DUS1L: variants seen among roughly 807,000 people sequenced by gnomAD.
DUS1L encodes the protein tRNA-dihydrouridine(16/17) synthase [NAD(P)(+)]-like.
In DUS1L, 56 loss-of-function variants were observed where a neutral mutation model predicts 61.2. The observed-to-expected ratio is 0.92, with a 90% CI of 0.74 to 1.14. The LOEUF (loss-of-function observed/expected upper bound fraction) is 1.14, where lower values mean the gene tolerates loss of function less well. Ranked by LOEUF, DUS1L falls within the 50% of genes most tolerant of loss-of-function variation. DUS1L has a pLI of 0.00. For synonymous variants in DUS1L, 278 were observed against 259.5 expected (o/e 1.07, Z -0.69); for missense variants, 630 against 632.4 (o/e 1.00, Z 0.04).
chr17:82,058,273 G>A lies in DUS1L; in HGVS notation c.1283-19C>T, dbSNP rs767025373. ...CCGTGACCTGGCAGAGCGAGTGAGA[G>A]GAGTCGGGGGTCAGGAGGCGGAGGG... On this transcript the variant is annotated intron_variant, in intron 13 of 13. Coordinates refer to ENST00000306796, the MANE Select transcript of DUS1L (RefSeq NM_022156.5). 15 of 1,560,836 alleles carry A rather than the reference G, an allele frequency of 9.6e-6. No individual in the cohort carries two copies. Among genetic ancestry groups the A allele is most frequent in the Admixed American group, 5.5e-5 (3 of 54,656 alleles).
chr17:82,058,730 GC>G (rs1262926579), intron 12 of DUS1L, 50 bp downstream of exon 12: 2 of 1,611,398 alleles, frequency 1.2e-6, no homozygotes, highest in Admixed American at 3.3e-5. Context: ...AGACCACCCT[GC>G]CCACCCCCAA....
intron 7 of DUS1L, 96 bp downstream of exon 7, chr17:82,061,522 C>T (rs1482677356): frequency 6.9e-7 from 1 of 1,445,972 alleles, no homozygotes; most frequent in Admixed American, 1.8e-5. Context: ...TGAACAGCAC[C>T]ATGGGGAGGG....
Position 82,059,704 on chromosome 17 carries a change from C to T in DUS1L, c.1168+244G>A, listed in dbSNP as rs577236121. Reference sequence around the variant, plus strand: ...AGACGAGCTTCACCTGGCTGAAAAGCTTGTCCCATAGCCTCATCTGATTCA... The same window carrying T: ...AGACGAGCTTCACCTGGCTGAAAAGTTTGTCCCATAGCCTCATCTGATTCA... On this transcript the variant is annotated intron_variant, in intron 11 of 13. Transcript: ENST00000306796. 1.1e-5 allele frequency: 6 copies of T among 548,122 alleles called. No individual in the cohort carries two copies. The Admixed American group carries it at 1.5e-4, about 14-fold the overall frequency. 34.0% of individuals were successfully genotyped at this position (548,122 alleles called of 1,614,324 possible).
In DUS1L at chr17:82,059,235, C is replaced by T. The variant is rs540722154; in HGVS notation, c.1169-417G>A. 3.5e-5 allele frequency: 7 copies of T among 197,760 alleles called. No homozygotes were observed. In the East Asian group the frequency reaches 7.2e-4, roughly 20 times the overall value. 12.3% of individuals were successfully genotyped at this position (197,760 alleles called of 1,614,324 possible). A position where few individuals can be genotyped will look rare whatever the true frequency, so the allele number is the denominator to read the frequency against. ...AAGAATTCAGCCTGAAGCCCCACTT[C>T]CTGCCTCTCCCAGCTGCCTCATTCA... On this transcript the variant is annotated intron_variant, in intron 11 of 13. Transcript: ENST00000306796.
At position 82,064,812 on chromosome 17, in the gene DUS1L, C is replaced by T. The variant is rs746851980; in HGVS notation, c.237+11G>A. On this transcript the variant is annotated intron_variant, in intron 2 of 13. Transcript: ENST00000306796. Reference sequence around the variant, plus strand: ...CCAACCGCGGCCGCGGCCACAGCCCCTCCTGCGCACCTGCACGATGAGGGG... The same window carrying T: ...CCAACCGCGGCCGCGGCCACAGCCCTTCCTGCGCACCTGCACGATGAGGGG... 9 of 1,601,932 alleles carry T rather than the reference C, an allele frequency of 5.6e-6. No homozygotes were observed. In the South Asian group the frequency reaches 1.0e-4, roughly 18 times the overall value.
intron 7 of DUS1L, 25 bp downstream of exon 7, chr17:82,061,593 G>C: frequency 6.3e-7 from 1 of 1,599,232 alleles, no homozygotes; most frequent in Non-Finnish European, 8.5e-7. Flanking sequence ...ATGGGGCCCT[G>C]GCTGCTGTCC....
Position 82,060,009 on chromosome 17 carries a change from G to C in DUS1L, c.1107C>G (p.Ser369=). 1 of 1,613,942 alleles carries C rather than the reference G, an allele frequency of 6.2e-7. No individual in the cohort carries two copies. Among genetic ancestry groups the C allele is most frequent in the Non-Finnish European group, 8.5e-7 (1 of 1,180,006 alleles). Residue 369 remains serine, a synonymous_variant, in exon 11 of 14, where the codon TCC becomes TCG. Transcript: ENST00000306796. The stretch of plus-strand genomic sequence containing the variant: ...TCAGCTGCTTCTTTTGCTTGTTCTT[G>C]GACAGGACCTCCGTGCCACCCTCCT... ...EEEEGGTEVL[S]KNKQKKQLRN...
In DUS1L at chr17:82,058,160, T is replaced by A. The variant is rs1568081018; in HGVS notation, c.1377A>T (p.Gly459=). 2 of 1,597,876 alleles carry A rather than the reference T, an allele frequency of 1.3e-6. No individual in the cohort carries two copies. The highest frequency in any genetic ancestry group is 3.4e-5 in the Admixed American group (2 of 59,338). Residue 459 remains glycine (G), a synonymous_variant, in exon 14 of 14, where the codon GGA becomes GGT. Transcript: ENST00000306796. ...TGACTTCGGAGAAGCCACCTGGTGT[T>A]CCAGGTGCTGCTGGCTGAGGCTCCT... The part of the protein sequence containing the change: ...ELQEPQPAAP[G]TPGGFSEVMG...
intron 11 of DUS1L, 31 bp from the exon 12 acceptor site, chr17:82,058,849 T>G (rs2033249596): frequency 1.9e-6 from 3 of 1,598,160 alleles, no homozygotes; most frequent in Non-Finnish European, 2.6e-6. Flanking sequence ...TGCTGGTGAG[T>G]GAGGGCCAGG....
chr17:82,061,190 G>A lies in DUS1L; in HGVS notation c.842+19C>T, dbSNP rs200310914. ...TGGGCGGCCCTCCAACGTGGCTTCT[G>A]CCTTAGGGGGCAACTCACGTGTGGT... On this transcript the variant is annotated intron_variant, in intron 8 of 13. Transcript: ENST00000306796. 1,437 of 1,573,752 alleles carry A rather than the reference G, an allele frequency of 9.1e-4. 1 individual carries two copies. The highest frequency in any genetic ancestry group is 1.0e-3 in the Non-Finnish European group (1,174 of 1,156,624).
Position 82,058,063 on chromosome 17 carries a change from T to G in DUS1L, c.*52A>C. 6.8e-7 allele frequency: 1 copy of G among 1,471,028 alleles called. No homozygotes were observed. Among genetic ancestry groups the G allele is most frequent in the East Asian group, 2.5e-5 (1 of 40,166 alleles). 91.1% of individuals were successfully genotyped at this position (1,471,028 alleles called of 1,614,324 possible). ...CCTGAGTAAAAGGCATTTTCTTAAG[T>G]AGGACGTGTCCAGGCTCCAGCAGCA... On this transcript the variant is annotated 3_prime_UTR_variant, in exon 14 of 14. Transcript: ENST00000306796.
intron 10 of DUS1L, 71 bp from the exon 11 acceptor site, chr17:82,060,164 CTG>C: frequency 6.4e-7 from 1 of 1,553,890 alleles, no homozygotes; most frequent in Non-Finnish European, 8.7e-7. Context: ...CCACACGGGT[CTG>C]AGTCTGGGTG....
At position 82,058,359 on chromosome 17, in the gene DUS1L, CTT is replaced by C. The variant is rs1568081669; in HGVS notation, c.1262_1263del (p.Lys421ArgfsTer13). The C allele has an allele frequency of 2.7e-6, 4 of 1,494,336 alleles. No individual in the cohort carries two copies. Among genetic ancestry groups the C allele is most frequent in the Non-Finnish European group, 3.6e-6 (4 of 1,119,596 alleles). The allele number at this position is 1,494,336 out of a possible 1,614,324, so 92.6% of individuals were successfully genotyped here. On this transcript the variant is annotated frameshift_variant, in exon 13 of 14. Transcript: ENST00000306796. LOFTEE classifies it high-confidence loss of function. Reference protein sequence around the residue: ...CRGCCKKRASKETADCPGHGL... With the variant: ...CRGCCKKRASXETADCPGHGL... ...CCCTCACCTGGGCAGTCTGCAGTCT[CTT>C]TGGAGGCTCGCTTCTTGCAGCAGCC...
chr17:82,061,778 GC>G, intron 6 of DUS1L, 57 bp from the exon 7 acceptor site: 2 of 1,598,930 alleles, frequency 1.3e-6, no homozygotes. Context: ...AGGTGATGCT[GC>G]CCCCAGCCAC....
At position 82,057,709 on chromosome 17, in the gene DUS1L, G is replaced by A. The variant is rs1598539856; in HGVS notation, c.*406C>T. The A allele has an allele frequency of 9.9e-6, 2 of 202,348 alleles. No individual in the cohort carries two copies. The highest frequency in any genetic ancestry group is 8.1e-5 in the South Asian group (1 of 12,350). The allele number at this position is 202,348 out of a possible 1,614,324, so 12.5% of individuals were successfully genotyped here. ...GCTTTGGCCACTTGCCTATGGAGGC[G>A]CCTAGGGGAGGTGGGGAGGGGACCT... On this transcript the variant is annotated 3_prime_UTR_variant, in exon 14 of 14. Coordinates refer to ENST00000306796, the MANE Select transcript of DUS1L (RefSeq NM_022156.5).
chr17:82,061,040 G>T, intron 8 of DUS1L, 79 bp from the exon 9 acceptor site: 1 of 1,550,660 alleles, frequency 6.4e-7, no homozygotes, highest in South Asian at 1.1e-5. Context: ...GGCACACGGG[G>T]ACCTGTGTCT....
rs550338959 is a variant in DUS1L at position 82,059,956 on chromosome 17, G to A, written c.1160C>T (p.Ser387Phe). The change falls in exon 11 of 14, where the codon TCT becomes TTT. Residue 387 changes from serine (S) to phenylalanine (F), a missense_variant. Physicochemically the swap from Ser to Phe is radical, Grantham distance 155. Coordinates refer to ENST00000306796, the MANE Select transcript of DUS1L (RefSeq NM_022156.5). ...GCGGAAGCAGCACTTACGCTTCAGA[G>A]AGGGGTCGAAGGTCTTGTGGGGGTT... ...LRNPHKTFDP[S>F]LKPKYAKCDQ... 6.2e-7 allele frequency: 1 copy of A among 1,614,022 alleles called. No homozygotes were observed. Among genetic ancestry groups the A allele is most frequent in the East Asian group, 2.2e-5 (1 of 44,880 alleles).
rs1422858071 is a variant in DUS1L at position 82,065,032 on chromosome 17, A to G, written c.28T>C (p.Trp10Arg). The change falls in exon 2 of 14, where the codon TGG (tryptophan) becomes CGG (arginine). Residue 10 changes from tryptophan (W) to arginine (R), a missense_variant. Coordinates refer to ENST00000306796, the MANE Select transcript of DUS1L (RefSeq NM_022156.5). MPKLQGFEF[W>R]SRTLRGARHV... Reference sequence around the variant, plus strand: ...CGGGCCCCTCGCAGGGTGCGGCTCCAGAACTCGAAGCCCTGCAGCTTTGGC... The same window carrying G: ...CGGGCCCCTCGCAGGGTGCGGCTCCGGAACTCGAAGCCCTGCAGCTTTGGC... The G allele has an allele frequency of 6.2e-7, 1 of 1,604,872 alleles. No homozygotes were observed. The highest frequency in any genetic ancestry group is 1.1e-5 in the South Asian group (1 of 90,490).
intron 5 of DUS1L, among the ~76,000 whole-genome samples, 183 bp from the exon 6 acceptor site, chr17:82,062,166 G>A (rs891290988): frequency 1.3e-5 from 2 of 152,060 alleles, no homozygotes; most frequent in African/African-American, 4.8e-5. Context: ...CCTGAAGCAG[G>A]GCTGAGGAAT....
Sources: gnomAD v4.1 joint callset for allele counts (sites outside exome capture counted in the v4.1 genomes callset) on GRCh38, gnomAD v4.1.1 for gene constraint, MANE v1.5 for transcripts, NCBI Gene and HGNC (gene_info 2026-07-23, HGNC 2026-07-21) for gene names.